SRCIN1: variants seen among roughly 807,000 people sequenced by gnomAD.
SRCIN1 encodes P130Cas-associated protein.
SRCIN1 carries 50 observed loss-of-function variants against 116.2 expected under a neutral mutation model. The observed-to-expected ratio is 0.43, with a 90% CI of 0.34 to 0.54. The LOEUF (loss-of-function observed/expected upper bound fraction) is 0.54. Among genes scored for constraint, SRCIN1 ranks in the 20% least tolerant of loss-of-function variants. The probability of loss-of-function intolerance (pLI) is 0.02; values close to 1 mark genes in which losing one functional copy is unlikely to be tolerated. For synonymous variants in SRCIN1, 736 were observed against 750.0 expected (o/e 0.98, Z 0.30); for missense variants, 1,446 against 1,672.0 (o/e 0.86, Z 2.36).
intron 1 of SRCIN1, among the ~76,000 whole-genome samples, chr17:38,587,453 C>T (rs554873580): frequency 2.6e-5 from 4 of 152,110 alleles, no homozygotes; most frequent in African/African-American, 7.2e-5. Flanking sequence ...CGTCCTGTGT[C>T]GGGAAACCAC....
Position 38,530,044 on chromosome 17 carries a change from C to T in SRCIN1, c.*3253G>A. On this transcript the variant is annotated 3_prime_UTR_variant, in exon 19 of 19. Coordinates refer to ENST00000617146, the MANE Select transcript of SRCIN1 (RefSeq NM_025248.3). The stretch of plus-strand genomic sequence containing the variant: ...GGAGATCCAGGAGAGGAAAAAGAAA[C>T]AAGTTTTATTAAAGCCCCAAACACT... 6.6e-6 allele frequency: 1 copy of T among 152,166 alleles called. No individual in the cohort carries two copies. Among genetic ancestry groups the T allele is most frequent in the East Asian group, 1.9e-4 (1 of 5,204 alleles). 9.4% of individuals were successfully genotyped at this position (152,166 alleles called of 1,614,324 possible).
At chr17:38,564,353 C>A (rs1906521046) in intron 3 of SRCIN1, 40 bp from the exon 4 acceptor site, 4 of 1,401,682 alleles carry the variant, frequency 2.9e-6, no homozygotes, top group African/African-American at 2.1e-5. Context: ...CAAGGATGAG[C>A]ACCCCCCCTC....
intron 18 of SRCIN1, among the ~76,000 whole-genome samples, chr17:38,539,982 C>A (rs1196241829): frequency 7.3e-6 from 1 of 136,876 alleles, no homozygotes; most frequent in African/African-American, 2.9e-5. Flanking sequence ...GATCACGCCA[C>A]TGGACTCCAA....
At chr17:38,557,392 C>T (rs992285487) in intron 11 of SRCIN1, among the ~76,000 whole-genome samples, 3 of 152,248 alleles carry the variant, frequency 2.0e-5, no homozygotes, top group Non-Finnish European at 4.4e-5. Context: ...AGGAACTGCC[C>T]TGATCACTCA....
At chr17:38,588,481 A>G (rs1199971890) in intron 1 of SRCIN1, among the ~76,000 whole-genome samples, 1 of 152,038 alleles carries the variant, frequency 6.6e-6, no homozygotes, top group African/African-American at 2.4e-5. Context: ...GAGGCAGCCG[A>G]GGGGAACACA....
Position 38,544,099 on chromosome 17 carries a change from C to T in SRCIN1, c.3271-130G>A. The T allele has an allele frequency of 2.6e-6, 3 of 1,146,346 alleles. No individual in the cohort carries two copies. Among genetic ancestry groups the T allele is most frequent in the Non-Finnish European group, 3.6e-6 (3 of 835,914 alleles). 71.0% of individuals were successfully genotyped at this position (1,146,346 alleles called of 1,614,324 possible). A position where few individuals can be genotyped will look rare whatever the true frequency, so the allele number is the denominator to read the frequency against. On this transcript the variant is annotated intron_variant, in intron 17 of 18. Transcript: ENST00000617146. This position sits in a 1 kb window ranked among gnomAD's most constrained non-coding sequence, Gnocchi z 4.5. ...GGCCCTTTGAGACCTGGAGACCCCT[C>T]TCTAGCTCCACACCCGAGTCCAGAA...
At chr17:38,593,229 A>G (rs2143417490) in intron 1 of SRCIN1, among the ~76,000 whole-genome samples, 1 of 152,290 alleles carries the variant, frequency 6.6e-6, no homozygotes, top group South Asian at 2.1e-4. Context: ...CCACAGAGGC[A>G]AAGGCCCACA....
In SRCIN1 at chr17:38,552,335, A is replaced by G. The variant is rs574945701; in HGVS notation, c.2480+112T>C. 65 of 1,458,060 alleles carry G rather than the reference A, an allele frequency of 4.5e-5. No homozygotes were observed. In the South Asian group the frequency reaches 8.9e-4, roughly 20 times the overall value. The allele number at this position is 1,458,060 out of a possible 1,614,324, so 90.3% of individuals were successfully genotyped here. A position where few individuals can be genotyped will look rare whatever the true frequency, so the allele number is the denominator to read the frequency against. ...CAGGGCAGAGCTGAGGTGCCAGTCC[A>G]GTCGGCACGCCAGTGACCTTTGGGG... On this transcript the variant is annotated intron_variant, in intron 13 of 18. Coordinates refer to ENST00000617146, the MANE Select transcript of SRCIN1 (RefSeq NM_025248.3). This position sits in a 1 kb window ranked among gnomAD's most constrained non-coding sequence, Gnocchi z 5.3.
chr17:38,535,737 C>T (rs1273205050), intron 18 of SRCIN1, among the ~76,000 whole-genome samples: 1 of 152,190 alleles, frequency 6.6e-6, no homozygotes, highest in African/African-American at 2.4e-5. Context: ...AGTCCTGCCT[C>T]TCCTCTGCTC....
At position 38,604,636 on chromosome 17, in the gene SRCIN1, A is replaced by G; in HGVS notation, c.22+1048T>C. 1 of 419,148 alleles carries G rather than the reference A, an allele frequency of 2.4e-6. No homozygotes were observed. Among genetic ancestry groups the G allele is most frequent in the South Asian group, 1.7e-5 (1 of 59,720 alleles). 26.0% of individuals were successfully genotyped at this position (419,148 alleles called of 1,614,324 possible). Reference sequence around the variant, plus strand: ...GTGGGGCTGGGGGACGAGCACCAGCAGCCGCACACGCCCCGCCGGGCCCTG... The same window carrying G: ...GTGGGGCTGGGGGACGAGCACCAGCGGCCGCACACGCCCCGCCGGGCCCTG... On this transcript the variant is annotated intron_variant, in intron 1 of 18. Transcript: ENST00000617146. This position sits in a 1 kb window ranked among gnomAD's most constrained non-coding sequence, Gnocchi z 4.3.
At chr17:38,561,049 A>G (rs1436890736) in intron 7 of SRCIN1, among the ~76,000 whole-genome samples, 1 of 152,130 alleles carries the variant, frequency 6.6e-6, no homozygotes. Flanking sequence ...ACCATTTTTC[A>G]ACAGCACCCT....
At chr17:38,561,390 G>A (rs1906228070) in intron 7 of SRCIN1, 73 bp downstream of exon 7, 2 of 1,407,352 alleles carry the variant, frequency 1.4e-6, no homozygotes, top group Non-Finnish European at 1.8e-6. Context: ...CACCTGCCAC[G>A]GACTCTGCTG....
intron 18 of SRCIN1, among the ~76,000 whole-genome samples, chr17:38,536,671 G>T (rs1904401296): frequency 6.6e-6 from 1 of 152,182 alleles, no homozygotes; most frequent in Non-Finnish European, 1.5e-5. Flanking sequence ...TAGCCCCCAT[G>T]CCCTCCTTCC....
At chr17:38,535,129 T>A (rs2040981569) in intron 18 of SRCIN1, among the ~76,000 whole-genome samples, 1 of 146,484 alleles carries the variant, frequency 6.8e-6, no homozygotes, top group Middle Eastern at 3.2e-3. Context: ...GAGGCCCTGT[T>A]TTTTTGTTTG....
At position 38,551,198 on chromosome 17, in the gene SRCIN1, C is replaced by T. The variant is rs751249017; in HGVS notation, c.2919G>A (p.Gln973=). 1.3e-6 allele frequency: 2 copies of T among 1,596,176 alleles called. No homozygotes were observed. The highest frequency in any genetic ancestry group is 1.7e-6 in the Non-Finnish European group (2 of 1,169,958). The change falls in exon 15 of 19, where the codon CAG becomes CAA. Residue 973 remains glutamine (Q), a synonymous_variant. Transcript: ENST00000617146. ...TGGGCTCCGTTCGGGGGGCTGCCTTCTGGCCGTGGGGGGCCTTGGGGGGCT... is the reference window on the plus strand; with the variant it reads ...TGGGCTCCGTTCGGGGGGCTGCCTTTTGGCCGTGGGGGGCCTTGGGGGGCT... The part of the protein sequence containing the change: ...DHKPPKAPHG[Q]KAAPRTEPSG...
intron 17 of SRCIN1, 130 bp downstream of exon 17, chr17:38,548,427 G>T: frequency 8.8e-7 from 1 of 1,138,886 alleles, no homozygotes; most frequent in South Asian, 1.5e-5. Flanking sequence ...GCTGGGGTCT[G>T]AACAGCCAGC....
intron 7 of SRCIN1, among the ~76,000 whole-genome samples, chr17:38,560,655 C>A (rs568383351): frequency 5.9e-4 from 90 of 152,328 alleles, no homozygotes; most frequent in African/African-American, 2.2e-3. Context: ...CCTGGCAATG[C>A]TTTCCCCTGC....
chr17:38,589,397 T>C (rs952007554), intron 1 of SRCIN1, among the ~76,000 whole-genome samples: 8 of 152,198 alleles, frequency 5.3e-5, no homozygotes, highest in African/African-American at 1.9e-4. Flanking sequence ...GCCAGGTGGA[T>C]GCATCTCCAG....
chr17:38,593,483 A>AGGCTGC (rs1007850841), intron 1 of SRCIN1, among the ~76,000 whole-genome samples: 3 of 152,090 alleles, frequency 2.0e-5, no homozygotes, highest in African/African-American at 7.2e-5. Context: ...TGTAGGGCTG[A>AGGCTGC]GGCTGCCCTG....
Sources: allele counts gnomAD v4.1 joint callset (sites outside exome capture counted in the v4.1 genomes callset), GRCh38; gene constraint gnomAD v4.1.1; non-coding constraint Gnocchi (gnomAD v3.1); transcripts MANE v1.5; gene names NCBI Gene and HGNC (gene_info 2026-07-23, HGNC 2026-07-21).